Variants in SLC30A9 observed in about 807,000 individuals in gnomAD.
The protein encoded by SLC30A9 is solute carrier family 30 member 9.
In SLC30A9, 58 loss-of-function variants were observed where a neutral mutation model predicts 87.5. That is an observed-to-expected ratio of 0.66 (90% CI 0.54 to 0.82). The LOEUF is 0.82. Among genes scored for constraint, SLC30A9 ranks in the 40% least tolerant of loss-of-function variants. The pLI is 0.00. For missense variants in SLC30A9, 557 were observed against 679.1 expected (o/e 0.82, Z 2.00); for synonymous variants, 234 against 233.0 (o/e 1.00, Z -0.04).
Position 42,052,374 on chromosome 4 carries a change from T to A in SLC30A9, c.840+2895T>A, listed in dbSNP as rs116800581. ...ATATAATGGAGTTCCATTCATAATA[T>A]GAACAGACTTCTCTGTACAATTGAC... On this transcript the variant is annotated intron_variant, in intron 9 of 17. Transcript: ENST00000264451. Among the ~76,000 whole-genome samples, 945 of 152,346 alleles carry A rather than the reference T, an allele frequency of 6.2e-3. 4 individuals are homozygous for A. The highest frequency in any genetic ancestry group is 0.012 in the African/African-American group (503 of 41,580).
chr4:42,062,533 T>C (rs981965127), intron 10 of SLC30A9, among the ~76,000 whole-genome samples: 4 of 152,198 alleles, frequency 2.6e-5, no homozygotes, highest in African/African-American at 9.6e-5. Context: ...AATTATGTGT[T>C]GTAAACTTCT....
chr4:42,079,877 A>C (rs1184339559), intron 17 of SLC30A9, among the ~76,000 whole-genome samples: 1 of 152,144 alleles, frequency 6.6e-6, no homozygotes, highest in Non-Finnish European at 1.5e-5. Flanking sequence ...CAGCCTCCCA[A>C]AGTGCTGGGA....
intron 7 of SLC30A9, among the ~76,000 whole-genome samples, chr4:42,037,916 A>C (rs1716758798): frequency 2.0e-5 from 3 of 151,986 alleles, no homozygotes; most frequent in Admixed American, 2.0e-4. Flanking sequence ...GATTACGGGC[A>C]CCCACTACCA....
At chr4:42,020,967 CTTT>C (rs1406250120) in intron 4 of SLC30A9, among the ~76,000 whole-genome samples, 2 of 152,220 alleles carry the variant, frequency 1.3e-5, no homozygotes, top group African/African-American at 4.8e-5. Flanking sequence ...ATTTTTACTA[CTTT>C]CCAATATCTG....
chr4:42,056,963 C>T (rs573741748), intron 9 of SLC30A9, among the ~76,000 whole-genome samples: 18 of 152,330 alleles, frequency 1.2e-4, no homozygotes, highest in Non-Finnish European at 2.2e-4. Flanking sequence ...GCAGTCAATT[C>T]GTAAAGCTCC....
In SLC30A9 at chr4:42,001,641, A is replaced by T; in HGVS notation, c.135A>T (p.Gly45=). 1 of 1,596,254 alleles carries T rather than the reference A, an allele frequency of 6.3e-7. No individual in the cohort carries two copies. The highest frequency in any genetic ancestry group is 8.6e-7 in the Non-Finnish European group (1 of 1,168,986). Residue 45 remains glycine, a synonymous_variant, in exon 2 of 18, where the codon GGA becomes GGT. Coordinates refer to ENST00000264451, the MANE Select transcript of SLC30A9 (RefSeq NM_006345.4). ...AGTGGCAGAATTTAGTGACATTTGG[A>T]AGCTTTTCAAACATGGTTCCCTGTA... The part of the protein sequence containing the change: ...RQEWQNLVTF[G]SFSNMVPCSH...
At chr4:42,065,182 A>C in intron 11 of SLC30A9, 128 bp from the exon 12 acceptor site, 1 of 639,368 alleles carries the variant, frequency 1.6e-6, no homozygotes. Flanking sequence ...GTTGTTTCCC[A>C]TTAGTAACCT....
At chr4:42,054,152 C>T (rs1387287308) in intron 9 of SLC30A9, among the ~76,000 whole-genome samples, 4 of 152,042 alleles carry the variant, frequency 2.6e-5, no homozygotes, top group African/African-American at 7.2e-5. Flanking sequence ...GTCAGGAGTT[C>T]GAGGCCAGCC....
chr4:41,991,066 T>C (rs2153131581), intron 1 of SLC30A9, among the ~76,000 whole-genome samples: 1 of 152,384 alleles, frequency 6.6e-6, no homozygotes, highest in South Asian at 2.1e-4. Flanking sequence ...CATCGCGGTG[T>C]CCCGCGGTTA....
At chr4:42,078,121 T>G in intron 16 of SLC30A9, 91 bp from the exon 17 acceptor site, 1 of 604,658 alleles carries the variant, frequency 1.7e-6, no homozygotes, top group Non-Finnish European at 2.9e-6. Flanking sequence ...CTTAATGGCG[T>G]TTGTTATAGG....
At chr4:42,084,850 T>C (rs924604350) in intron 17 of SLC30A9, among the ~76,000 whole-genome samples, 1 of 152,328 alleles carries the variant, frequency 6.6e-6, no homozygotes, top group East Asian at 1.9e-4. Context: ...AGTGTTGTAA[T>C]TGCCTACTTA....
chr4:42,065,790 CACT>C (rs1293178749), intron 12 of SLC30A9, among the ~76,000 whole-genome samples: 8 of 152,140 alleles, frequency 5.3e-5, no homozygotes, highest in South Asian at 4.2e-4. Context: ...AACCCACCAC[CACT>C]ACTATCGCTG....
chr4:42,058,568 C>T (rs1717719968), intron 9 of SLC30A9, among the ~76,000 whole-genome samples: 1 of 152,306 alleles, frequency 6.6e-6, no homozygotes, highest in Non-Finnish European at 1.5e-5. Flanking sequence ...TTTCATGCTG[C>T]TGATAAAGAC....
chr4:42,040,783 C>A, intron 8 of SLC30A9, among the ~76,000 whole-genome samples: 1 of 107,272 alleles, frequency 9.3e-6, no homozygotes, highest in Admixed American at 1.2e-4. Context: ...GCGACAGAGC[C>A]AGACTCTGTC....
At chr4:42,030,248 A>C (rs754607947) in intron 6 of SLC30A9, 11 of 192,976 alleles carry the variant, frequency 5.7e-5, no homozygotes, top group Non-Finnish European at 9.4e-5. Context: ...TATATGCTTT[A>C]CACTTGCTTT....
rs193052544 is a variant in SLC30A9 at position 42,036,878 on chromosome 4, T to C, written c.669+1545T>C. Among the ~76,000 whole-genome samples the C allele has an allele frequency of 1.0e-3, 154 of 152,288 alleles. 1 individual carries two copies. Among genetic ancestry groups the C allele is most frequent in the African/African-American group, 3.6e-3 (149 of 41,554 alleles). On this transcript the variant is annotated intron_variant, in intron 7 of 17. Coordinates refer to ENST00000264451, the MANE Select transcript of SLC30A9 (RefSeq NM_006345.4). ...CCTCAAGGGCTATTGCCATTGCCTCTTGTGCTGGGATAACTTAGGCTGGTG... is the reference window on the plus strand; with the variant it reads ...CCTCAAGGGCTATTGCCATTGCCTCCTGTGCTGGGATAACTTAGGCTGGTG...
chr4:42,034,007 G>A (rs767098487), intron 6 of SLC30A9, among the ~76,000 whole-genome samples: 1 of 149,462 alleles, frequency 6.7e-6, no homozygotes, highest in African/African-American at 2.4e-5. Context: ...CCCATAGGAC[G>A]TTTCTAGTGT....
chr4:42,032,523 A>C (rs1716492351), intron 6 of SLC30A9, among the ~76,000 whole-genome samples: 2 of 152,188 alleles, frequency 1.3e-5, no homozygotes, highest in Non-Finnish European at 2.9e-5. Flanking sequence ...TCTCCAGATG[A>C]GTTGGCAAAA....
intron 15 of SLC30A9, among the ~76,000 whole-genome samples, chr4:42,071,232 T>C (rs920212389): frequency 6.6e-6 from 1 of 152,126 alleles, no homozygotes; most frequent in Admixed American, 6.5e-5. Context: ...AGAATTCTAA[T>C]AGTGCTTTTC....
Sources: gnomAD v4.1 joint callset for allele counts (sites outside exome capture counted in the v4.1 genomes callset) on GRCh38, gnomAD v4.1.1 for gene constraint, MANE v1.5 for transcripts, NCBI Gene and HGNC (gene_info 2026-07-23, HGNC 2026-07-21) for gene names.